SNX30: variants seen among roughly 807,000 people sequenced by gnomAD.
SNX30 encodes the protein sorting nexin-30.
A neutral mutation model predicts 46.4 loss-of-function variants in SNX30; 24 were observed. The ratio of observed to expected loss-of-function variants is 0.52; its 90% CI spans 0.37 to 0.73. The LOEUF is 0.73. Ranked by LOEUF, SNX30 falls within the 30% of genes least tolerant of loss-of-function variation. The probability of loss-of-function intolerance (pLI) is 0.00; values close to 1 mark genes in which losing one functional copy is unlikely to be tolerated. For synonymous variants in SNX30, 189 were observed against 211.5 expected, an observed-to-expected ratio of 0.89 and a Z score of 0.92; for missense variants, 533 against 555.7, an observed-to-expected ratio of 0.96 and a Z score of 0.41.
chr9:112,864,234 C>T lies in SNX30; in HGVS notation c.1102-13C>T, dbSNP rs2131505536. The T allele has an allele frequency of 1.2e-6, 2 of 1,613,370 alleles. No individual in the cohort carries two copies. The highest frequency in any genetic ancestry group is 1.7e-6 in the Non-Finnish European group (2 of 1,179,828). On this transcript the variant is annotated splice_polypyrimidine_tract_variant and intron_variant, in intron 7 of 8. Transcript: ENST00000374232. ...TTGTGTGCAGGGCACCCATGTGTGC[C>T]TCCCTTTTCCAGGTACCGGCGGACG...
rs368140865 is a variant in SNX30, at chr9:112,848,557, G to A, written c.1015-2302G>A. ...GTGGCCTTGAACAGGGCCCGCCACC[G>A]TCCCTTAGTCTCCTCATCTGTAGAA... On this transcript the variant is annotated intron_variant, in intron 6 of 8. Coordinates refer to ENST00000374232, the MANE Select transcript of SNX30 (RefSeq NM_001012994.2). 3.3e-5 allele frequency among the ~76,000 whole-genome samples: 5 copies of A among 152,324 alleles called. No individual in the cohort carries two copies. In the East Asian group the frequency reaches 5.8e-4, roughly 18 times the overall value.
At chr9:112,812,825 C>T (rs1840340107) in intron 2 of SNX30, among the ~76,000 whole-genome samples, 1 of 152,008 alleles carries the variant, frequency 6.6e-6, no homozygotes, top group African/African-American at 2.4e-5. Context: ...TCCTTATGTA[C>T]AATTAATTTT....
At chr9:112,848,477 G>A (rs1452606513) in intron 6 of SNX30, among the ~76,000 whole-genome samples, 1 of 152,334 alleles carries the variant, frequency 6.6e-6, no homozygotes, top group Admixed American at 6.5e-5. Context: ...AAAGCCACAT[G>A]CTGGAAGGCA....
intron 5 of SNX30, among the ~76,000 whole-genome samples, chr9:112,880,779 T>C (rs1841566282): frequency 6.6e-6 from 1 of 152,230 alleles, no homozygotes; most frequent in South Asian, 2.1e-4. Context: ...TCTTTATCAC[T>C]GGTAGACTGA....
chr9:112,796,729 T>G (rs1037136254), intron 1 of SNX30, among the ~76,000 whole-genome samples: 1 of 152,058 alleles, frequency 6.6e-6, no homozygotes, highest in African/African-American at 2.4e-5. Flanking sequence ...GAGTTGAAGG[T>G]GCTTTTTCTG....
intron 8 of SNX30, among the ~76,000 whole-genome samples, chr9:112,865,005 CCACACACCCCACTACCA>C (rs1162533652): frequency 1.4e-5 from 2 of 144,548 alleles, no homozygotes; most frequent in African/African-American, 5.4e-5. Flanking sequence ...ACACACACAC[CCACACACCCCACTACCA>C]CCACCACACC....
chr9:112,805,502 TC>T (rs1205625421), intron 2 of SNX30, among the ~76,000 whole-genome samples: 17 of 152,196 alleles, frequency 1.1e-4, no homozygotes, highest in Non-Finnish European at 2.2e-4. Flanking sequence ...AGAGTCTTGC[TC>T]TGTTGCCCAG....
rs1841501701 is a variant in SNX30, at chr9:112,874,919, G to A, written c.*6076G>A. ...TGTATTGCTTGATAAATATTAGCTT[G>A]TAAATTTAAAGTTTCTTTACTTCAA... On this transcript the variant is annotated 3_prime_UTR_variant, in exon 9 of 9. Coordinates refer to ENST00000374232, the MANE Select transcript of SNX30 (RefSeq NM_001012994.2). 1 of 152,096 alleles carries A rather than the reference G, an allele frequency of 6.6e-6. No homozygotes were observed. The highest frequency in any genetic ancestry group is 2.1e-4 in the South Asian group (1 of 4,832). 9.4% of individuals were successfully genotyped at this position (152,096 alleles called of 1,614,324 possible).
At chr9:112,793,803 T>TG (rs778026856) in intron 1 of SNX30, among the ~76,000 whole-genome samples, 2 of 145,538 alleles carry the variant, frequency 1.4e-5, no homozygotes, top group African/African-American at 5.3e-5. Flanking sequence ...CACTGTTTTT[T>TG]GTTTTTTTTT....
intron 1 of SNX30, among the ~76,000 whole-genome samples, chr9:112,763,846 T>TAAAA (rs60051703): frequency 2.4e-5 from 3 of 123,582 alleles, no homozygotes; most frequent in African/African-American, 5.9e-5. Flanking sequence ...AGACTCTGAC[T>TAAAA]AAAAAAAAAA....
intron 1 of SNX30, among the ~76,000 whole-genome samples, chr9:112,754,805 C>T (rs1839324083): frequency 6.6e-6 from 1 of 152,188 alleles, no homozygotes; most frequent in Non-Finnish European, 1.5e-5. Flanking sequence ...TCCTCTGACT[C>T]AGCCTCTAAC....
At chr9:112,760,006 C>T (rs1839411378) in intron 1 of SNX30, among the ~76,000 whole-genome samples, 1 of 152,136 alleles carries the variant, frequency 6.6e-6, no homozygotes, top group Non-Finnish European at 1.5e-5. Context: ...ACATTTCTTT[C>T]TACATTTTGG....
Position 112,868,824 on chromosome 9 carries a change from A to T in SNX30, c.1295A>T (p.Glu432Val). 1 of 1,614,090 alleles carries T rather than the reference A, an allele frequency of 6.2e-7. No individual in the cohort carries two copies. Among genetic ancestry groups the T allele is most frequent in the African/African-American group, 1.3e-5 (1 of 75,038 alleles). ...GAGTCGATTATTCCACTACTGCAGG[A>T]GAAACAAGAGGCCAAGTAAAGTTCT... ...AWESIIPLLQ[E>V]KQEAK Residue 432 changes from glutamate to valine, a missense_variant, in exon 9 of 9, where the codon GAG becomes GTG. Transcript: ENST00000374232.
chr9:112,831,105 G>A (rs977134292), intron 4 of SNX30, among the ~76,000 whole-genome samples: 1 of 150,132 alleles, frequency 6.7e-6, no homozygotes, highest in Non-Finnish European at 1.5e-5. Flanking sequence ...CCACTGCACT[G>A]CAGCCTGGGT....
intron 1 of SNX30, among the ~76,000 whole-genome samples, chr9:112,772,784 A>G (rs958001812): frequency 2.6e-5 from 4 of 152,256 alleles, no homozygotes; most frequent in African/African-American, 9.6e-5. Flanking sequence ...ATAAACGAAT[A>G]TGTCTTCAAG....
chr9:112,835,907 T>TA (rs146731833), intron 4 of SNX30, among the ~76,000 whole-genome samples: 2 of 152,078 alleles, frequency 1.3e-5, no homozygotes, highest in African/African-American at 2.4e-5. Context: ...AACAGATACT[T>TA]AAAAAAAATT....
intron 6 of SNX30, among the ~76,000 whole-genome samples, chr9:112,842,410 C>G (rs1840874306): frequency 6.6e-6 from 1 of 152,190 alleles, no homozygotes; most frequent in African/African-American, 2.4e-5. Context: ...GAAGTAGTGG[C>G]CTGTGCCTTA....
intron 8 of SNX30, among the ~76,000 whole-genome samples, chr9:112,864,907 A>G (rs138287494): frequency 3.3e-5 from 5 of 152,226 alleles, no homozygotes; most frequent in Middle Eastern, 3.4e-3. Flanking sequence ...GGGATGTAGG[A>G]TTACAAAGGA....
At chr9:112,769,958 A>G (rs1012446757) in intron 1 of SNX30, among the ~76,000 whole-genome samples, 3 of 151,792 alleles carry the variant, frequency 2.0e-5, no homozygotes, top group Non-Finnish European at 2.9e-5. Context: ...CTGAAATACC[A>G]TGTCCAGAAT....
Sources: gnomAD v4.1 joint callset for allele counts (sites outside exome capture counted in the v4.1 genomes callset) on GRCh38, gnomAD v4.1.1 for gene constraint, MANE v1.5 for transcripts, NCBI Gene and HGNC (gene_info 2026-07-23, HGNC 2026-07-21) for gene names.